The following B9D1 variants were observed in gnomAD, a reference collection of about 807,000 sequenced individuals.
B9D1 encodes B9 domain-containing protein 1.
B9D1 carries 20 observed loss-of-function variants against 26.1 expected under a neutral mutation model. That is an observed-to-expected ratio of 0.77 (90% CI 0.54 to 1.12). The LOEUF is 1.12. Ranked by LOEUF, B9D1 falls within the 50% of genes most tolerant of loss-of-function variation. B9D1 has a pLI of 0.00. For missense variants in B9D1, 260 were observed against 273.7 expected, an observed-to-expected ratio of 0.95 and a Z score of 0.35; for synonymous variants, 105 against 103.1, an observed-to-expected ratio of 1.02 and a Z score of -0.11.
At chr17:19,357,174 T>C (rs1250452475) in intron 3 of B9D1, among the ~76,000 whole-genome samples, 1 of 152,140 alleles carries the variant, frequency 6.6e-6, no homozygotes, top group African/African-American at 2.4e-5. Flanking sequence ...TGGAGAGAAA[T>C]CTCTCCAGCA....
intron 3 of B9D1, among the ~76,000 whole-genome samples, chr17:19,350,779 A>G (rs554453268): frequency 1.3e-5 from 2 of 152,162 alleles, no homozygotes; most frequent in Admixed American, 1.3e-4. Context: ...AGCTTTTATC[A>G]TGAATGGGAG....
At chr17:19,350,384 A>C (rs1909438007) in intron 3 of B9D1, among the ~76,000 whole-genome samples, 1 of 151,804 alleles carries the variant, frequency 6.6e-6, no homozygotes, top group South Asian at 2.1e-4. Flanking sequence ...CATCTCTACT[A>C]AAAATACAAA....
At chr17:19,349,390 C>T (rs1909288525) in intron 3 of B9D1, among the ~76,000 whole-genome samples, 1 of 51,976 alleles carries the variant, frequency 1.9e-5, no homozygotes, top group Non-Finnish European at 3.7e-5. Flanking sequence ...TCATTAAAAA[C>T]ATTTTTTTTT....
intron 3 of B9D1, among the ~76,000 whole-genome samples, chr17:19,355,605 A>G (rs1254891086): frequency 6.6e-6 from 1 of 151,686 alleles, no homozygotes; most frequent in Non-Finnish European, 1.5e-5. Flanking sequence ...TGAGGCGGGC[A>G]GATCACGAGG....
chr17:19,368,565 T>C (rs1390222847), intron 1 of B9D1, among the ~76,000 whole-genome samples: 1 of 152,156 alleles, frequency 6.6e-6, no homozygotes, highest in African/African-American at 2.4e-5. Flanking sequence ...GTGAAGATGA[T>C]GACATGATTG....
At position 19,347,462 on chromosome 17, in the gene B9D1, C is replaced by A; in HGVS notation, c.342-131G>T. ...AAGTCAGGGCCAATGTCAACGAATC[C>A]AACCTGTGCTAACTGAGCACCCCCT... On this transcript the variant is annotated intron_variant, in intron 4 of 6. Coordinates refer to ENST00000261499, the MANE Select transcript of B9D1 (RefSeq NM_015681.6). This position sits in a 1 kb window ranked among gnomAD's most constrained non-coding sequence, Gnocchi z 4.3. The A allele has an allele frequency of 9.0e-7, 1 of 1,110,028 alleles. No homozygotes were observed. Among genetic ancestry groups the A allele is most frequent in the Non-Finnish European group, 1.3e-6 (1 of 742,796 alleles). 68.8% of individuals were successfully genotyped at this position (1,110,028 alleles called of 1,614,324 possible). A position where few individuals can be genotyped will look rare whatever the true frequency, so the allele number is the denominator to read the frequency against.
chr17:19,347,907 G>A lies in B9D1; in HGVS notation c.245-27C>T. The A allele has an allele frequency of 6.3e-7, 1 of 1,599,358 alleles. No homozygotes were observed. The highest frequency in any genetic ancestry group is 8.6e-7 in the Non-Finnish European group (1 of 1,167,312). ...TTGGGAAGGACAAGGCAGGGGGTGGGCACATGAGGACACACAGGGGAGGTG... is the reference window on the plus strand; with the variant it reads ...TTGGGAAGGACAAGGCAGGGGGTGGACACATGAGGACACACAGGGGAGGTG... On this transcript the variant is annotated intron_variant, in intron 3 of 6. Transcript: ENST00000261499. The surrounding 1 kb of genome is among the most constrained non-coding windows in gnomAD (Gnocchi z 4.3).
Position 19,347,244 on chromosome 17 carries a change from C to T in B9D1, c.404+25G>A. The T allele has an allele frequency of 3.1e-6, 5 of 1,614,200 alleles. No individual in the cohort carries two copies. Among genetic ancestry groups the T allele is most frequent in the Non-Finnish European group, 4.2e-6 (5 of 1,180,034 alleles). ...CATTCATCCAGTAGATCAGGAGGGG[C>T]TGGGGTTATGGGTACAAAACTCACC... On this transcript the variant is annotated intron_variant, in intron 5 of 6. Transcript: ENST00000261499. The surrounding 1 kb of genome is among the most constrained non-coding windows in gnomAD (Gnocchi z 4.3).
Position 19,343,293 on chromosome 17 carries a change from C to T in B9D1, c.*26G>A, listed in dbSNP as rs552182629. The stretch of plus-strand genomic sequence containing the variant: ...CTTCGGGAAGGCAGCCCTTCATTAT[C>T]AGAGACTGTGCAGCCTGTGGAGCCT... On this transcript the variant is annotated 3_prime_UTR_variant, in exon 7 of 7. Transcript: ENST00000261499. 5.6e-6 allele frequency: 9 copies of T among 1,613,978 alleles called. No homozygotes were observed. In the East Asian group the frequency reaches 6.7e-5, roughly 12 times the overall value.
rs746549814 is a variant in B9D1 at position 19,370,942 on chromosome 17, C to A, written c.-298+6917G>T. Among the ~76,000 whole-genome samples the A allele has an allele frequency of 1.4e-4, 22 of 152,244 alleles. No homozygotes were observed. Among genetic ancestry groups the A allele is most frequent in the Admixed American group, 1.3e-4 (2 of 15,292 alleles). The stretch of plus-strand genomic sequence containing the variant: ...CCTCCATGTCCTATGGGCAGGTCAA[C>A]CACAACAAAGCCCAGCCTGCCCATC... On this transcript the variant is annotated intron_variant, in intron 1 of 5. Transcript: ENST00000477478. This position sits in a 1 kb window ranked among gnomAD's most constrained non-coding sequence, Gnocchi z 5.1.
intron 3 of B9D1, among the ~76,000 whole-genome samples, chr17:19,351,976 C>T (rs1909669246): frequency 6.6e-6 from 1 of 152,122 alleles, no homozygotes; most frequent in Admixed American, 6.6e-5. Flanking sequence ...CCCCCAAACT[C>T]CTAGGCTCAA....
At chr17:19,373,731 T>G (rs1231292241) in intron 1 of B9D1, among the ~76,000 whole-genome samples, 1 of 152,116 alleles carries the variant, frequency 6.6e-6, no homozygotes, top group East Asian at 1.9e-4. Context: ...TTCATCATGT[T>G]GGCCAGGCTG....
chr17:19,353,499 G>A (rs1598072516), intron 3 of B9D1, among the ~76,000 whole-genome samples: 1 of 151,748 alleles, frequency 6.6e-6, no homozygotes, highest in Admixed American at 6.6e-5. Flanking sequence ...AATCAGCTGG[G>A]CATAGTGGCA....
chr17:19,346,771 C>T (rs544316596), intron 5 of B9D1, among the ~76,000 whole-genome samples: 1 of 152,202 alleles, frequency 6.6e-6, no homozygotes, highest in African/African-American at 2.4e-5. Flanking sequence ...GCTTCTCTAG[C>T]ATGCTAAGCT....
chr17:19,357,876 T>C lies in B9D1; in HGVS notation c.208A>G (p.Ile70Val), dbSNP rs780639433. 20 of 1,613,912 alleles carry C rather than the reference T, an allele frequency of 1.2e-5. No homozygotes were observed. The highest frequency in any genetic ancestry group is 1.7e-5 in the Non-Finnish European group (20 of 1,179,984). Residue 70 changes from isoleucine to valine, a missense_variant, in exon 3 of 7, where the codon ATT becomes GTT. Physicochemically the swap from Ile to Val is conservative, Grantham distance 29. Transcript: ENST00000261499. ...VRQALVWNFP[I>V]DVTFKSTNPY... ...TTGGTGCTTTTAAAGGTGACATCAA[T>C]GGGGAAGTTCCACACCAGTGCTTGC...
Position 19,362,581 on chromosome 17 carries a change from G to T in B9D1, c.-12C>A. The T allele has an allele frequency of 6.3e-7, 1 of 1,587,446 alleles. No individual in the cohort carries two copies. The highest frequency in any genetic ancestry group is 8.6e-7 in the Non-Finnish European group (1 of 1,166,940). On this transcript the variant is annotated 5_prime_UTR_variant, in exon 1 of 7. Transcript: ENST00000261499. Reference sequence around the variant, plus strand: ...CTCGCGGTCGCCATGGCAGGTCTGGGGGTGCCGGGGGGACCCACCTAGGCC... The same window carrying T: ...CTCGCGGTCGCCATGGCAGGTCTGGTGGTGCCGGGGGGACCCACCTAGGCC...
At chr17:19,343,530 TCTC>T in intron 6 of B9D1, 69 bp from the exon 7 acceptor site, 3 of 1,608,720 alleles carry the variant, frequency 1.9e-6, no homozygotes, top group Non-Finnish European at 2.5e-6. Flanking sequence ...GATCTGGGAA[TCTC>T]AGCCTCAGCG....
chr17:19,360,009 A>G (rs114201636), intron 2 of B9D1, among the ~76,000 whole-genome samples: 399 of 152,264 alleles, frequency 2.6e-3, no homozygotes, highest in African/African-American at 9.5e-3. Context: ...CGGACTGGCC[A>G]GAGTGTCCAC....
chr17:19,348,013 G>A, intron 3 of B9D1, 133 bp from the exon 4 acceptor site: 1 of 771,312 alleles, frequency 1.3e-6, no homozygotes, highest in Non-Finnish European at 2.2e-6. Flanking sequence ...GCTTGAGAGG[G>A]GACAGGAGCA....
Sources: allele counts gnomAD v4.1 joint callset (sites outside exome capture counted in the v4.1 genomes callset), GRCh38; gene constraint gnomAD v4.1.1; non-coding constraint Gnocchi (gnomAD v3.1); transcripts MANE v1.5; gene names NCBI Gene and HGNC (gene_info 2026-07-23, HGNC 2026-07-21).